KCNIP4: variants seen among roughly 807,000 people sequenced by gnomAD.
KCNIP4 encodes potassium voltage-gated channel interacting protein 4.
KCNIP4 carries 12 observed loss-of-function variants against 34.0 expected under a neutral mutation model. That is an observed-to-expected ratio of 0.35 (90% CI 0.23 to 0.57). The LOEUF is 0.57. Ranked by LOEUF, KCNIP4 falls within the 20% of genes least tolerant of loss-of-function variation. The pLI is 0.83. For missense variants in KCNIP4, 238 were observed against 311.7 expected, an observed-to-expected ratio of 0.76 and a Z score of 1.78; for synonymous variants, 124 against 102.2, an observed-to-expected ratio of 1.21 and a Z score of -1.29.
At chr4:21,815,502 G>T (rs1245510693) in intron 1 of KCNIP4, among the ~76,000 whole-genome samples, 1 of 151,870 alleles carries the variant, frequency 6.6e-6, no homozygotes, top group African/African-American at 2.4e-5. Context: ...GTAAGTGATG[G>T]AGTCCTCAGA....
At chr4:21,031,616 G>T (rs1281358736) in intron 1 of KCNIP4, among the ~76,000 whole-genome samples, 2 of 152,156 alleles carry the variant, frequency 1.3e-5, no homozygotes, top group Non-Finnish European at 2.9e-5. Context: ...TGCAAAGAAG[G>T]CTTCTCTCCA....
intron 1 of KCNIP4, among the ~76,000 whole-genome samples, chr4:21,872,882 C>A (rs770717337): frequency 2.0e-5 from 3 of 152,178 alleles, no homozygotes; most frequent in Non-Finnish European, 2.9e-5. Flanking sequence ...CACATCCATA[C>A]AGCTGTCACA....
chr4:21,208,121 T>G (rs1413558350), intron 1 of KCNIP4, among the ~76,000 whole-genome samples: 1 of 152,140 alleles, frequency 6.6e-6, no homozygotes, highest in Non-Finnish European at 1.5e-5. Context: ...GGATTACAGG[T>G]GTGCGCCACT....
chr4:20,864,379 TTATATATACATGTTATATATATATAACA>T (rs1722648464), intron 2 of KCNIP4, among the ~76,000 whole-genome samples: 1 of 151,000 alleles, frequency 6.6e-6, no homozygotes, highest in African/African-American at 2.4e-5. Flanking sequence ...GTTATACATT[TTATATATACATGTTATATATATATAACA>T]TATATATACA....
intron 1 of KCNIP4, among the ~76,000 whole-genome samples, chr4:21,539,715 TCACGTTTGTAATCCCAG>T (rs1485573352): frequency 6.6e-6 from 1 of 152,222 alleles, no homozygotes; most frequent in East Asian, 1.9e-4. Context: ...GCACAGTGGC[TCACGTTTGTAATCCCAG>T]CACTTTGGGA....
At chr4:21,554,836 A>T (rs1738863878) in intron 1 of KCNIP4, among the ~76,000 whole-genome samples, 1 of 152,192 alleles carries the variant, frequency 6.6e-6, no homozygotes, top group South Asian at 2.1e-4. Context: ...TCACATGTAA[A>T]TCTTATTAAT....
chr4:21,413,440 T>A (rs1458672330), intron 1 of KCNIP4, among the ~76,000 whole-genome samples: 1 of 152,192 alleles, frequency 6.6e-6, no homozygotes, highest in Non-Finnish European at 1.5e-5. Flanking sequence ...TACTTGTAAC[T>A]GAAAGCACCT....
At chr4:21,402,654 C>T (rs1466290009) in intron 1 of KCNIP4, among the ~76,000 whole-genome samples, 1 of 152,148 alleles carries the variant, frequency 6.6e-6, no homozygotes, top group African/African-American at 2.4e-5. Context: ...GAAACATCCA[C>T]ACAATCCCAC....
At chr4:21,285,052 T>C (rs1199219281) in intron 1 of KCNIP4, among the ~76,000 whole-genome samples, 2 of 152,144 alleles carry the variant, frequency 1.3e-5, no homozygotes, top group Admixed American at 6.5e-5. Context: ...TACACACACA[T>C]AAATGTACAA....
chr4:21,291,853 CAA>C (rs754018961), intron 1 of KCNIP4, among the ~76,000 whole-genome samples: 2,676 of 26,048 alleles, frequency 0.1, 295 homozygotes, highest in African/African-American at 0.29. Context: ...GACTCCGCCT[CAA>C]AAAAAAAAAA....
chr4:21,132,180 G>A (rs996141973), intron 1 of KCNIP4, among the ~76,000 whole-genome samples: 5 of 152,130 alleles, frequency 3.3e-5, no homozygotes, highest in Admixed American at 6.5e-5. Flanking sequence ...ATCAAGCCTC[G>A]TAAAAGCACC....
At chr4:21,824,826 G>T (rs1941604377) in intron 1 of KCNIP4, among the ~76,000 whole-genome samples, 1 of 152,126 alleles carries the variant, frequency 6.6e-6, no homozygotes. Flanking sequence ...ACAGGGCCCA[G>T]TTGCCTCCAT....
chr4:21,370,968 T>A (rs1360352570), intron 1 of KCNIP4, among the ~76,000 whole-genome samples: 1 of 135,574 alleles, frequency 7.4e-6, no homozygotes, highest in African/African-American at 3.3e-5. Flanking sequence ...TAGAGCCAAA[T>A]CTTTGAGCAG....
At chr4:21,203,741 C>G (rs16870586) in intron 1 of KCNIP4, among the ~76,000 whole-genome samples, 14,608 of 152,242 alleles carry the variant, frequency 0.096, 2,254 homozygotes, top group African/African-American at 0.33. Flanking sequence ...CATGATGCAA[C>G]TTCCTATCTA....
chr4:21,436,937 T>G (rs758076051), intron 1 of KCNIP4, among the ~76,000 whole-genome samples: 3 of 152,232 alleles, frequency 2.0e-5, no homozygotes, highest in Non-Finnish European at 4.4e-5. Context: ...GCCATCGTTT[T>G]ACAAACCAAC....
intron 1 of KCNIP4, among the ~76,000 whole-genome samples, chr4:21,561,603 T>A (rs1178103854): frequency 1.3e-5 from 2 of 152,040 alleles, no homozygotes; most frequent in East Asian, 3.9e-4. Context: ...TGTTTTTCCT[T>A]ATTTTGGGGA....
intron 1 of KCNIP4, among the ~76,000 whole-genome samples, chr4:20,957,740 G>A (rs1216112158): frequency 2.0e-5 from 3 of 152,104 alleles, no homozygotes; most frequent in African/African-American, 4.8e-5. Flanking sequence ...TACTATTATA[G>A]TTATTTTAAG....
chr4:21,354,095 T>C (rs755527480), intron 1 of KCNIP4, among the ~76,000 whole-genome samples: 1 of 152,090 alleles, frequency 6.6e-6, no homozygotes, highest in Non-Finnish European at 1.5e-5. Flanking sequence ...GACAAGCAAA[T>C]GCTGAGAGAT....
intron 1 of KCNIP4, among the ~76,000 whole-genome samples, chr4:21,735,758 C>T (rs563751188): frequency 3.3e-5 from 5 of 152,122 alleles, no homozygotes; most frequent in African/African-American, 4.8e-5. Context: ...AAATCTGTCA[C>T]GCGAAGAATG....
Sources: allele counts gnomAD v4.1 joint callset (sites outside exome capture counted in the v4.1 genomes callset), GRCh38; gene constraint gnomAD v4.1.1; transcripts MANE v1.5; gene names NCBI Gene and HGNC (gene_info 2026-07-23, HGNC 2026-07-21).